The following PPARG variants were observed in gnomAD, a reference collection of about 807,000 sequenced individuals.
PPARG encodes the protein peroxisome proliferator activated receptor gamma.
PPARG carries 17 observed loss-of-function variants against 39.2 expected under a neutral mutation model. That is an observed-to-expected ratio of 0.43 (90% confidence interval 0.30 to 0.65). The LOEUF is 0.65. Ranked by LOEUF, PPARG falls within the 30% of genes least tolerant of loss-of-function variation. The pLI is 0.13. For missense variants in PPARG, 406 were observed against 585.9 expected, an observed-to-expected ratio of 0.69 and a Z score of 3.17; for synonymous variants, 223 against 215.7, an observed-to-expected ratio of 1.03 and a Z score of -0.30.
At chr3:12,329,381 T>C (rs1332470259) in intron 2 of PPARG, among the ~76,000 whole-genome samples, 1 of 152,220 alleles carries the variant, frequency 6.6e-6, no homozygotes, top group Non-Finnish European at 1.5e-5. Flanking sequence ...TAACATGAGC[T>C]GTAGAATTAA....
At position 12,339,012 on chromosome 3, in the gene PPARG, C is replaced by G. The variant is rs76218729; in HGVS notation, c.-9+26559C>G. Among the ~76,000 whole-genome samples, 175 of 152,248 alleles carry G rather than the reference C, an allele frequency of 1.1e-3. 1 individual carries two copies. Among genetic ancestry groups the G allele is most frequent in the African/African-American group, 4.1e-3 (170 of 41,550 alleles). ...GAAAACAGAGTTAAAAACTTTTCCT[C>G]AGAAATCGGAAACAATCTAAATGTC... On this transcript the variant is annotated intron_variant, in intron 2 of 7. Transcript: ENST00000651735.
chr3:12,395,562 A>G (rs546789321), intron 5 of PPARG, among the ~76,000 whole-genome samples: 16 of 152,236 alleles, frequency 1.1e-4, no homozygotes, highest in Middle Eastern at 3.2e-3. Context: ...GTAGAAGAAC[A>G]TAGTTTCAGA....
chr3:12,315,785 A>T (rs2047372778), intron 2 of PPARG, among the ~76,000 whole-genome samples: 1 of 152,184 alleles, frequency 6.6e-6, no homozygotes, highest in Admixed American at 6.6e-5. Context: ...TAACTCCACA[A>T]AGCTCTGCCT....
chr3:12,427,022 C>T (rs1335778382), intron 7 of PPARG, among the ~76,000 whole-genome samples: 4 of 152,288 alleles, frequency 2.6e-5, no homozygotes, highest in African/African-American at 4.8e-5. Context: ...CCCAGGCATT[C>T]GTTTGCTTTT....
chr3:12,373,718 T>C (rs924950879), intron 2 of PPARG, among the ~76,000 whole-genome samples: 3 of 152,202 alleles, frequency 2.0e-5, no homozygotes, highest in Non-Finnish European at 4.4e-5. Flanking sequence ...AATAAGATGC[T>C]GTCCTTTTAC....
At chr3:12,381,295 TA>T in intron 3 of PPARG, 26 bp from the exon 4 acceptor site, 1 of 1,609,506 alleles carries the variant, frequency 6.2e-7, no homozygotes, top group Non-Finnish European at 8.5e-7. Context: ...ATGGGATAAT[TA>T]TCCTCTCACA....
At chr3:12,390,835 G>C (rs1189579002) in intron 4 of PPARG, among the ~76,000 whole-genome samples, 1 of 151,762 alleles carries the variant, frequency 6.6e-6, no homozygotes, top group African/African-American at 2.4e-5. Flanking sequence ...TTTTTTTATA[G>C]AGACAAGGTT....
Position 12,434,088 on chromosome 3 carries a change from G to A in PPARG, c.1371G>A (p.Thr457=), listed in dbSNP as rs139819079. 9.9e-6 allele frequency: 16 copies of A among 1,614,024 alleles called. No individual in the cohort carries two copies. Among genetic ancestry groups the A allele is most frequent in the South Asian group, 7.7e-5 (7 of 91,088 alleles). The change falls in exon 8 of 8, where the codon ACG becomes ACA. Residue 457 remains threonine, a synonymous_variant. Transcript: ENST00000651735. The surrounding 1 kb of genome is among the most constrained non-coding windows in gnomAD (Gnocchi z 4.2). The part of the protein sequence containing the change: ...HVQLLQVIKK[T]ETDMSLHPLL... ...AGCTACTGCAGGTGATCAAGAAGAC[G>A]GAGACAGACATGAGTCTTCACCCGC...
intron 2 of PPARG, among the ~76,000 whole-genome samples, chr3:12,336,921 A>G (rs1219702595): frequency 2.0e-5 from 3 of 152,256 alleles, no homozygotes; most frequent in Non-Finnish European, 2.9e-5. Flanking sequence ...GAAGGCCTTT[A>G]AAAATACAGT....
In PPARG at chr3:12,433,984, C is replaced by T; in HGVS notation, c.1267C>T (p.His423Tyr). The change falls in exon 8 of 8, where the codon CAC (histidine) becomes TAC (tyrosine). Residue 423 changes from histidine to tyrosine, a missense_variant. By Grantham distance (83) the His-to-Tyr change is moderately conservative. Coordinates refer to ENST00000651735, the MANE Select transcript of PPARG (RefSeq NM_138711.6). ...QALELQLKLN[H>Y]PESSQLFAKL... ...CCTGGAGCTCCAGCTGAAGCTGAAC[C>T]ACCCTGAGTCCTCACAGCTGTTTGC... The T allele has an allele frequency of 6.2e-7, 1 of 1,614,218 alleles. No individual in the cohort carries two copies. Among genetic ancestry groups the T allele is most frequent in the Non-Finnish European group, 8.5e-7 (1 of 1,180,044 alleles).
At chr3:12,307,082 T>A (rs12639094) in intron 1 of PPARG, among the ~76,000 whole-genome samples, 36,357 of 127,946 alleles carry the variant, frequency 0.28, 5,010 homozygotes, top group East Asian at 0.34. Context: ...TGGGCGACAG[T>A]GCAAGACTCC....
chr3:12,319,224 A>G lies in PPARG; in HGVS notation c.-9+6771A>G, dbSNP rs556340099. 3.3e-5 allele frequency among the ~76,000 whole-genome samples: 5 copies of G among 152,346 alleles called. No homozygotes were observed. The East Asian group carries it at 5.8e-4, about 18-fold the overall frequency. On this transcript the variant is annotated intron_variant, in intron 2 of 7. Coordinates refer to ENST00000651735, the MANE Select transcript of PPARG (RefSeq NM_138711.6). ...GTATGTTTCCCTAAGTTTGCTCACT[A>G]TAATTTGTGATTGCTATTTTTCTTA... is the stretch of plus-strand genomic sequence containing the variant.
In PPARG at chr3:12,392,648, T is replaced by A; in HGVS notation, c.425T>A (p.Ile142Asn). Residue 142 changes from isoleucine to asparagine, a missense_variant, in exon 5 of 8, where the codon ATC becomes AAC. Physicochemically the swap from Ile to Asn is moderately radical, Grantham distance 149 (BLOSUM62 -3). Coordinates refer to ENST00000651735, the MANE Select transcript of PPARG (RefSeq NM_138711.6). ...FFRRTIRLKL[I>N]YDRCDLNCRI... is the part of the protein sequence containing the mutation. ...CGGAGAACAATCAGATTGAAGCTTA[T>A]CTATGACAGATGTGATCTTAACTGT... The A allele has an allele frequency of 6.2e-7, 1 of 1,613,972 alleles. No individual in the cohort carries two copies. Among genetic ancestry groups the A allele is most frequent in the Non-Finnish European group, 8.5e-7 (1 of 1,179,878 alleles).
chr3:12,358,643 G>T (rs1358404326), intron 2 of PPARG, among the ~76,000 whole-genome samples: 2 of 152,138 alleles, frequency 1.3e-5, no homozygotes, highest in Non-Finnish European at 2.9e-5. Flanking sequence ...AGTTTGCTTA[G>T]TGGATTAAAA....
intron 5 of PPARG, among the ~76,000 whole-genome samples, chr3:12,398,308 T>C (rs1378946884): frequency 6.6e-6 from 1 of 152,130 alleles, no homozygotes; most frequent in Non-Finnish European, 1.5e-5. Context: ...ATCAGAGCAG[T>C]GACCAATGAA....
intron 2 of PPARG, among the ~76,000 whole-genome samples, chr3:12,354,992 G>A (rs1277648777): frequency 6.6e-6 from 1 of 152,100 alleles, no homozygotes; most frequent in Non-Finnish European, 1.5e-5. Flanking sequence ...ATATTTTCCT[G>A]TGAAGAAATT....
intron 2 of PPARG, among the ~76,000 whole-genome samples, chr3:12,375,418 G>C (rs1292841145): frequency 2.0e-5 from 3 of 152,170 alleles, no homozygotes; most frequent in Admixed American, 2.0e-4. Context: ...TCATTTCCCA[G>C]TATTCATACA....
chr3:12,324,210 T>C (rs1303061876), intron 2 of PPARG, among the ~76,000 whole-genome samples: 1 of 150,740 alleles, frequency 6.6e-6, no homozygotes, highest in African/African-American at 2.4e-5. Flanking sequence ...ACCCAGGAGG[T>C]GGAGGTTGTA....
At chr3:12,411,541 A>G (rs1231307992) in intron 6 of PPARG, among the ~76,000 whole-genome samples, 2 of 152,194 alleles carry the variant, frequency 1.3e-5, no homozygotes, top group African/African-American at 4.8e-5. Flanking sequence ...AATCATTTTA[A>G]AAGGAAAAAA....
Sources: gnomAD v4.1 joint callset for allele counts (sites outside exome capture counted in the v4.1 genomes callset) on GRCh38, gnomAD v4.1.1 for gene constraint, Gnocchi (gnomAD v3.1) non-coding constraint, MANE v1.5 for transcripts, NCBI Gene and HGNC (gene_info 2026-07-23, HGNC 2026-07-21) for gene names.